The following PPP6R2 variants were observed in gnomAD, a reference collection of about 807,000 sequenced individuals.
PPP6R2 encodes serine/threonine-protein phosphatase 6 regulatory subunit 2.
In PPP6R2, 62 loss-of-function variants were observed where a neutral mutation model predicts 100.2. The observed-to-expected ratio is 0.62, with a 90% CI of 0.50 to 0.76. PPP6R2 has a LOEUF of 0.76. Among genes scored for constraint, PPP6R2 ranks in the 30% least tolerant of loss-of-function variants. PPP6R2 has a pLI of 0.00. For synonymous variants in PPP6R2, 525 were observed against 514.7 expected (o/e 1.02, Z -0.27); for missense variants, 1,142 against 1,276.3 (o/e 0.89, Z 1.60).
chr22:50,392,592 A>C (rs1272597052), intron 2 of PPP6R2, among the ~76,000 whole-genome samples: 1 of 152,162 alleles, frequency 6.6e-6, no homozygotes, highest in Non-Finnish European at 1.5e-5. Context: ...ACAAGTAGGA[A>C]AGTGCCATCT....
At chr22:50,389,660 G>A (rs973568662) in intron 2 of PPP6R2, among the ~76,000 whole-genome samples, 1 of 151,494 alleles carries the variant, frequency 6.6e-6, no homozygotes, top group African/African-American at 2.4e-5. Flanking sequence ...GTGTAGTGGC[G>A]TGATTTCAGC....
At chr22:50,334,775 G>A in the PPP6R2 span, among the ~76,000 whole-genome samples, 1 of 152,056 alleles carries the variant, frequency 6.6e-6, no homozygotes, top group African/African-American at 2.4e-5. Context: ...AGACCAGCCT[G>A]GCAAACATGG....
upstream of PPP6R2, among the ~76,000 whole-genome samples, chr22:50,339,694 GGTGTGTAGTGTGTGGTGTGTGTAGGGT>G (rs1326501944): frequency 1.2e-4 from 9 of 76,258 alleles, no homozygotes; most frequent in African/African-American, 4.0e-4. Context: ...TGGTGTGATT[GGTGTGTAGTGTGTGGTGTGTGTAGGGT>G]GTGTGTTGTG....
Position 50,383,877 on chromosome 22 carries a change from A to C in PPP6R2, c.-16-10016A>C, listed in dbSNP as rs113642302. 9.8e-3 allele frequency among the ~76,000 whole-genome samples: 1,492 copies of C among 152,050 alleles called. 27 individuals carry two copies. Among genetic ancestry groups the C allele is most frequent in the African/African-American group, 0.035 (1,438 of 41,460 alleles). ...CATGGTGAAATCCTGTTTCTACTAA[A>C]ATACAAAAATTAGCCAGGCATGATG... is the stretch of plus-strand genomic sequence containing the variant. On this transcript the variant is annotated intron_variant, in intron 2 of 23. Transcript: ENST00000612753.
At chr22:50,389,431 A>G (rs2148806702) in intron 2 of PPP6R2, among the ~76,000 whole-genome samples, 1 of 152,124 alleles carries the variant, frequency 6.6e-6, no homozygotes, top group East Asian at 1.9e-4. Flanking sequence ...GAAGTATGTA[A>G]TATTATGTTA....
At chr22:50,364,999 T>C (rs2048455585) in intron 1 of PPP6R2, among the ~76,000 whole-genome samples, 1 of 152,108 alleles carries the variant, frequency 6.6e-6, no homozygotes. Flanking sequence ...TTTATGATTC[T>C]CTTTGGGTCT....
chr22:50,353,147 A>T (rs1237320006), intron 1 of PPP6R2, among the ~76,000 whole-genome samples: 1 of 152,222 alleles, frequency 6.6e-6, no homozygotes, highest in Non-Finnish European at 1.5e-5. Flanking sequence ...TAGCAGTTTT[A>T]ATTTCCCTCA....
intron 12 of PPP6R2, 113 bp from the exon 13 acceptor site, chr22:50,434,853 G>A (rs1256162236): frequency 2.0e-5 from 18 of 902,866 alleles, no homozygotes; most frequent in South Asian, 1.1e-4. Context: ...GGCAGGGGCC[G>A]GGCACTTGCT....
At chr22:50,347,011 A>G (rs2043928078) in intron 1 of PPP6R2, among the ~76,000 whole-genome samples, 2 of 151,066 alleles carry the variant, frequency 1.3e-5, no homozygotes, top group Non-Finnish European at 3.0e-5. Flanking sequence ...CTTCTCTGTC[A>G]GTGCCCCCCA....
intron 1 of PPP6R2, among the ~76,000 whole-genome samples, chr22:50,368,546 TTAA>T (rs1464357281): frequency 1.3e-5 from 2 of 152,214 alleles, no homozygotes. Flanking sequence ...AAACTAATGA[TTAA>T]TAATATTCAC....
chr22:50,347,447 C>T (rs1364235437), intron 1 of PPP6R2, among the ~76,000 whole-genome samples: 4 of 152,086 alleles, frequency 2.6e-5, no homozygotes, highest in Non-Finnish European at 4.4e-5. Context: ...GTCATCTAAC[C>T]TCACCTTACC....
intron 2 of PPP6R2, among the ~76,000 whole-genome samples, chr22:50,388,476 G>A (rs2054729768): frequency 6.6e-6 from 1 of 152,024 alleles, no homozygotes; most frequent in Non-Finnish European, 1.5e-5. Flanking sequence ...TGATGTGGGA[G>A]GGTTGCTTAA....
intron 2 of PPP6R2, among the ~76,000 whole-genome samples, chr22:50,375,079 T>C (rs2051182813): frequency 6.6e-6 from 1 of 152,152 alleles, no homozygotes; most frequent in African/African-American, 2.4e-5. Context: ...GCAGCATGAA[T>C]GGAAGCCAGT....
rs1159739374 is a variant in PPP6R2 at position 50,443,882 on chromosome 22, A to G, written c.2596A>G (p.Ser866Gly). 6.3e-7 allele frequency: 1 copy of G among 1,583,468 alleles called. No homozygotes were observed. Among genetic ancestry groups the G allele is most frequent in the Admixed American group, 1.8e-5 (1 of 56,724 alleles). ...GCCACACAGGGTCGGGTGTGCTGACAGCCGGCTGTTAAGCCCTGCCTGCCC... is the reference window on the plus strand; with the variant it reads ...GCCACACAGGGTCGGGTGTGCTGACGGCCGGCTGTTAAGCCCTGCCTGCCC... The part of the protein sequence containing the change: ...EAVGRVGCAD[S>G]RLLSPACPAP... The change falls in exon 23 of 24, where the codon AGC becomes GGC. Residue 866 changes from serine (S) to glycine (G), a missense_variant. Ser to Gly is a moderately conservative substitution (Grantham distance 56, BLOSUM62 0). Coordinates refer to ENST00000612753, the MANE Select transcript of PPP6R2 (RefSeq NM_001242898.2).
chr22:50,433,089 CT>C (rs1446163055), intron 12 of PPP6R2, among the ~76,000 whole-genome samples: 1 of 152,286 alleles, frequency 6.6e-6, no homozygotes. Context: ...CTCAGTGGCA[CT>C]TTTGGTAGTG....
At chr22:50,400,493 A>G (rs1486328971) in intron 3 of PPP6R2, among the ~76,000 whole-genome samples, 1 of 152,176 alleles carries the variant, frequency 6.6e-6, no homozygotes, top group Non-Finnish European at 1.5e-5. Flanking sequence ...AGTCTGATGT[A>G]GCAAGCTCCT....
chr22:50,377,129 A>C (rs1410296940), intron 2 of PPP6R2, among the ~76,000 whole-genome samples: 1 of 152,206 alleles, frequency 6.6e-6, no homozygotes, highest in East Asian at 1.9e-4. Context: ...ACCATGTAGA[A>C]CTTCTAGAAA....
intron 3 of PPP6R2, among the ~76,000 whole-genome samples, chr22:50,396,078 T>C (rs2056756648): frequency 6.8e-6 from 1 of 146,740 alleles, no homozygotes; most frequent in Admixed American, 6.9e-5. Context: ...GCCTGTAATC[T>C]CAGCTACTCC....
intron 13 of PPP6R2, 61 bp from the exon 14 acceptor site, chr22:50,436,306 G>A: frequency 1.4e-6 from 2 of 1,470,644 alleles, no homozygotes; most frequent in East Asian, 2.5e-5. Context: ...GGAGCCCCCG[G>A]GTGCCCTGCA....
Sources: gnomAD v4.1 joint callset for allele counts (sites outside exome capture counted in the v4.1 genomes callset) on GRCh38, gnomAD v4.1.1 for gene constraint, MANE v1.5 for transcripts, NCBI Gene and HGNC (gene_info 2026-07-23, HGNC 2026-07-21) for gene names.